Variants in MLLT6 observed in about 807,000 individuals in gnomAD.
The protein encoded by MLLT6 is MLLT6, PHD finger containing, also known as protein AF-17.
A neutral mutation model predicts 103.0 loss-of-function variants in MLLT6; 22 were observed. The ratio of observed to expected loss-of-function variants is 0.21; its 90% CI spans 0.15 to 0.31. The LOEUF is 0.31. MLLT6 is among the 10% of genes least tolerant of loss of function. MLLT6 has a pLI of 1.00. For missense variants in MLLT6, 1,199 were observed against 1,441.7 expected (o/e 0.83, Z 2.73); for synonymous variants, 606 against 623.5 (o/e 0.97, Z 0.42).
intron 17 of MLLT6, 35 bp downstream of exon 17, chr17:38,722,262 G>C: frequency 7.4e-7 from 1 of 1,343,954 alleles, no homozygotes; most frequent in Non-Finnish European, 9.6e-7. Context: ...AGGGGAACAG[G>C]GTGGGGGGCT....
chr17:38,719,342 G>T, intron 12 of MLLT6, 175 bp from the exon 13 acceptor site: 1 of 619,688 alleles, frequency 1.6e-6, no homozygotes, highest in Admixed American at 2.8e-5. Flanking sequence ...GCCTCCCAGG[G>T]GCAGGGTTTC....
chr17:38,711,727 C>T (rs1905146694), intron 6 of MLLT6, 120 bp from the exon 7 acceptor site: 4 of 1,292,864 alleles, frequency 3.1e-6, no homozygotes, highest in South Asian at 3.2e-5. Flanking sequence ...ATGAGGTCCT[C>T]TTAGTGACAG....
At chr17:38,708,392 A>G (rs1198456470) in intron 4 of MLLT6, 1 of 153,932 alleles carries the variant, frequency 6.5e-6, no homozygotes, top group African/African-American at 2.4e-5. Flanking sequence ...ATTTAGGCTG[A>G]GACCTGGGGC....
intron 6 of MLLT6, among the ~76,000 whole-genome samples, chr17:38,710,756 G>C (rs766321864): frequency 2.0e-5 from 3 of 152,174 alleles, no homozygotes; most frequent in Non-Finnish European, 4.4e-5. Flanking sequence ...GTTTATACCT[G>C]TTGCCCTGGT....
intron 16 of MLLT6, among the ~76,000 whole-genome samples, chr17:38,721,550 G>A (rs1905736630): frequency 6.6e-6 from 1 of 152,128 alleles, no homozygotes; most frequent in Non-Finnish European, 1.5e-5. Context: ...AAGAATCAAT[G>A]GCTTCACCCA....
At chr17:38,717,331 CG>C in intron 10 of MLLT6, 100 bp from the exon 11 acceptor site, 1 of 955,926 alleles carries the variant, frequency 1.0e-6, no homozygotes. Context: ...AGCCAGATCC[CG>C]GGGAGCACTC....
intron 10 of MLLT6, 56 bp downstream of exon 10, chr17:38,717,037 A>G (rs1905380380): frequency 6.3e-7 from 1 of 1,597,924 alleles, no homozygotes; most frequent in African/African-American, 1.4e-5. Flanking sequence ...CTAGTGAGGA[A>G]CAGAGCTTAC....
chr17:38,718,005 C>T (rs1283703409), intron 12 of MLLT6, 52 bp downstream of exon 12: 1 of 1,249,484 alleles, frequency 8.0e-7, no homozygotes, highest in Non-Finnish European at 1.2e-6. Flanking sequence ...GTCGGACACC[C>T]ATCACCTGCA....
At chr17:38,710,387 A>AC (rs1323628771) in intron 6 of MLLT6, among the ~76,000 whole-genome samples, 1 of 151,728 alleles carries the variant, frequency 6.6e-6, no homozygotes, top group Admixed American at 6.6e-5. Flanking sequence ...GCTTGGATCT[A>AC]CCCCCGAGCC....
chr17:38,705,591 G>A lies in MLLT6; in HGVS notation c.-42G>A. On this transcript the variant is annotated 5_prime_UTR_variant, in exon 1 of 20. Transcript: ENST00000621332. ...TCCCCCCTGACCCCCGACCCCCGCC[G>A]GCCGGCCCCCCGCCCCAGCCCCGGA... 1 of 274,820 alleles carries A rather than the reference G, an allele frequency of 3.6e-6. No homozygotes were observed. 17.0% of individuals were successfully genotyped at this position (274,820 alleles called of 1,614,324 possible).
In MLLT6 at chr17:38,720,548, C is replaced by G; in HGVS notation, c.2332C>G (p.Pro778Ala). The change falls in exon 15 of 20, where the codon CCC (proline) becomes GCC (alanine). Residue 778 changes from proline (P) to alanine (A), a missense_variant. By Grantham distance (27) the Pro-to-Ala change is conservative. This residue lies in a region of MLLT6 where 1,034 missense variants were observed against 1,091.5 expected (regional missense o/e 0.95). Coordinates refer to ENST00000621332, the MANE Select transcript of MLLT6 (RefSeq NM_005937.4). ...TGCCGCCAACGGCCCTGTCCCTGGG[C>G]CCTATGGCCTGCCTCCCCAAGGTGA... ...LPAANGPVPG[P>A]YGLPPQAGSS... is the part of the protein sequence containing the mutation. 1 of 1,612,220 alleles carries G rather than the reference C, an allele frequency of 6.2e-7. No homozygotes were observed. The highest frequency in any genetic ancestry group is 8.5e-7 in the Non-Finnish European group (1 of 1,179,576).
intron 7 of MLLT6, 109 bp from the exon 8 acceptor site, chr17:38,712,582 C>T: frequency 1.4e-6 from 1 of 733,910 alleles, no homozygotes; most frequent in Non-Finnish European, 2.4e-6. Flanking sequence ...AGATGGTGCC[C>T]ACAAAACCCC....
intron 11 of MLLT6, 103 bp downstream of exon 11, chr17:38,717,716 C>T (rs1905427016): frequency 1.4e-6 from 2 of 1,418,500 alleles, no homozygotes; most frequent in East Asian, 4.6e-5. Context: ...GGCTGAGTTG[C>T]CATCAGACCA....
At chr17:38,720,605 G>T (rs1905671019) in intron 15 of MLLT6, 36 bp downstream of exon 15, 1 of 1,612,704 alleles carries the variant, frequency 6.2e-7, no homozygotes, top group Non-Finnish European at 8.5e-7. Context: ...AGAGAGGCCC[G>T]TGCCCTGAAG....
At position 38,724,382 on chromosome 17, in the gene MLLT6, C is replaced by T; in HGVS notation, c.2884-238C>T. 2.0e-6 allele frequency: 1 copy of T among 492,094 alleles called. No individual in the cohort carries two copies. Among genetic ancestry groups the T allele is most frequent in the South Asian group, 3.6e-5 (1 of 27,436 alleles). 30.5% of individuals were successfully genotyped at this position (492,094 alleles called of 1,614,324 possible). A position where few individuals can be genotyped will look rare whatever the true frequency, so the allele number is the denominator to read the frequency against. On this transcript the variant is annotated intron_variant, in intron 18 of 19. Coordinates refer to ENST00000621332, the MANE Select transcript of MLLT6 (RefSeq NM_005937.4). The surrounding 1 kb of genome is among the most constrained non-coding windows in gnomAD (Gnocchi z 5.4). ...GGCAGGGCCAGAGATATTAAATACC[C>T]TGCTGTTGGCCGGCAGTGCTGCAGC...
At chr17:38,721,061 C>T (rs1032590190) in intron 16 of MLLT6, 12 of 464,434 alleles carry the variant, frequency 2.6e-5, no homozygotes, top group Admixed American at 8.1e-5. Context: ...AGAGAGAGAA[C>T]GGGGGAGGGC....
At position 38,709,822 on chromosome 17, in the gene MLLT6, A is replaced by C. The variant is rs56069313; in HGVS notation, c.552+247A>C. Among the ~76,000 whole-genome samples, 2,407 of 152,382 alleles carry C rather than the reference A, an allele frequency of 0.016. 56 individuals carry two copies. The highest frequency in any genetic ancestry group is 0.054 in the African/African-American group (2,260 of 41,590). Reference sequence around the variant, plus strand: ...CAGACCCTGCCTGTCAGAGTCTAGGAGGCTTCAAGGAAGAGGTAGCATTTA... The same window carrying C: ...CAGACCCTGCCTGTCAGAGTCTAGGCGGCTTCAAGGAAGAGGTAGCATTTA... On this transcript the variant is annotated intron_variant, in intron 6 of 19. Coordinates refer to ENST00000621332, the MANE Select transcript of MLLT6 (RefSeq NM_005937.4). This position sits in a 1 kb window ranked among gnomAD's most constrained non-coding sequence, Gnocchi z 4.3.
rs772053003 is a variant in MLLT6 at position 38,720,336 on chromosome 17, CT to C, written c.2156-35del. On this transcript the variant is annotated intron_variant, in intron 14 of 19. Coordinates refer to ENST00000621332, the MANE Select transcript of MLLT6 (RefSeq NM_005937.4). ...GGTCCCCTGGCCCCGCCTCCGCCCC[CT>C]CGCCCCTCCCTCAGGTTCCTCGCTC... is the stretch of plus-strand genomic sequence containing the variant. 5.3e-6 allele frequency: 8 copies of C among 1,520,022 alleles called. No individual in the cohort carries two copies. In the South Asian group the frequency reaches 8.2e-5, roughly 16 times the overall value. The allele number at this position is 1,520,022 out of a possible 1,614,324, so 94.2% of individuals were successfully genotyped here.
At chr17:38,722,634 T>TGGGGGGGGGGGTGGGGGGGGGGGGGG in intron 17 of MLLT6, 44 bp from the exon 18 acceptor site, 1 of 532,160 alleles carries the variant, frequency 1.9e-6, no homozygotes, top group Non-Finnish European at 3.6e-6. Flanking sequence ...CCCTCCCCCA[T>TGGGGGGGGGGGTGGGGGGGGGGGGGG]GGTCTGTGTG....
Sources: allele counts gnomAD v4.1 joint callset (sites outside exome capture counted in the v4.1 genomes callset), GRCh38; gene constraint gnomAD v4.1.1; regional missense constraint gnomAD v4.1.1; non-coding constraint Gnocchi (gnomAD v3.1); transcripts MANE v1.5; gene names NCBI Gene and HGNC (gene_info 2026-07-23, HGNC 2026-07-21).